The following COL1A2 variants were observed in gnomAD, a reference collection of about 807,000 sequenced individuals.
COL1A2 encodes the protein collagen alpha-2(I) chain.
In COL1A2, 49 loss-of-function variants were observed where a neutral mutation model predicts 174.3. The ratio of observed to expected loss-of-function variants is 0.28; its 90% CI spans 0.22 to 0.36. The LOEUF (loss-of-function observed/expected upper bound fraction) is 0.36. Ranked by LOEUF, COL1A2 falls within the 10% of genes least tolerant of loss-of-function variation. The probability of loss-of-function intolerance (pLI) is 1.00; values close to 1 mark genes in which losing one functional copy is unlikely to be tolerated. For synonymous variants in COL1A2, 655 were observed against 606.6 expected (o/e 1.08, Z -1.17); for missense variants, 1,438 against 1,822.7 (o/e 0.79, Z 3.84).
At chr7:94,404,497 C>A in intron 6 of COL1A2, 59 bp from the exon 7 acceptor site, 1 of 1,583,256 alleles carries the variant, frequency 6.3e-7, no homozygotes, top group South Asian at 1.1e-5. Context: ...TATCTGACCC[C>A]AGCCAACACC....
intron 38 of COL1A2, 96 bp downstream of exon 38, chr7:94,421,158 A>C (rs965534998): frequency 4.8e-6 from 6 of 1,254,960 alleles, no homozygotes; most frequent in Admixed American, 1.7e-5. Flanking sequence ...TTGGACTACC[A>C]TGAGGAAACT....
Position 94,427,459 on chromosome 7 carries a change from A to G in COL1A2, c.3267+164A>G, listed in dbSNP as rs1201497811. 6 of 1,063,126 alleles carry G rather than the reference A, an allele frequency of 5.6e-6. No individual in the cohort carries two copies. In the African/African-American group the frequency reaches 6.3e-5, roughly 11 times the overall value. 65.9% of individuals were successfully genotyped at this position (1,063,126 alleles called of 1,614,324 possible). A position where few individuals can be genotyped will look rare whatever the true frequency, so the allele number is the denominator to read the frequency against. On this transcript the variant is annotated intron_variant, in intron 48 of 51. Transcript: ENST00000297268. ...TATATGCAATGGGCTTGTTAAGTCC[A>G]TCCCTGCAAGTGTGCCTGGGGGCTC...
At chr7:94,412,443 G>C in intron 24 of COL1A2, 141 bp from the exon 25 acceptor site, 2 of 714,144 alleles carry the variant, frequency 2.8e-6, no homozygotes. Flanking sequence ...AAAGGAAAAT[G>C]GATTCATAAT....
chr7:94,398,950 T>A, intron 3 of COL1A2, 99 bp from the exon 4 acceptor site: 1 of 1,117,718 alleles, frequency 8.9e-7, no homozygotes, highest in Non-Finnish European at 1.4e-6. Context: ...TGTAGTTACA[T>A]CAGTCTTACC....
chr7:94,407,252 C>CA (rs1791822146), intron 12 of COL1A2, among the ~76,000 whole-genome samples: 3 of 152,126 alleles, frequency 2.0e-5, no homozygotes, highest in African/African-American at 7.2e-5. Flanking sequence ...ATTAAGGGTC[C>CA]TTATGAGGTC....
At position 94,416,323 on chromosome 7, in the gene COL1A2, C is replaced by G. The variant is rs910614744; in HGVS notation, c.1765-82C>G. 4.0e-6 allele frequency: 5 copies of G among 1,249,966 alleles called. No individual in the cohort carries two copies. The East Asian group carries it at 1.3e-4, about 32-fold the overall frequency. 77.4% of individuals were successfully genotyped at this position (1,249,966 alleles called of 1,614,324 possible). ...AATGCAAACCAGGGCTCGGAAGCTA[C>G]ACAAATGTAAACTCTCATATGTAAA... On this transcript the variant is annotated intron_variant, in intron 30 of 51. Transcript: ENST00000297268.
At position 94,427,020 on chromosome 7, in the gene COL1A2, G is replaced by T. The variant is rs777241404; in HGVS notation, c.3118G>T (p.Asp1040Tyr). 5 of 1,613,880 alleles carry T rather than the reference G, an allele frequency of 3.1e-6. No individual in the cohort carries two copies. Among genetic ancestry groups the T allele is most frequent in the Non-Finnish European group, 4.2e-6 (5 of 1,179,822 alleles). The change falls in exon 47 of 52, where the codon GAT becomes TAT. Residue 1040 changes from aspartate (D) to tyrosine (Y), a missense_variant. Coordinates refer to ENST00000297268, the MANE Select transcript of COL1A2 (RefSeq NM_000089.4). The part of the protein sequence containing the change: ...GLPGIAGHHG[D>Y]QGAPGSVGPA... ...TCTGTCTTTAAAGGGTCACCATGGT[G>T]ATCAAGGTGCTCCTGGCTCCGTGGG...
intron 23 of COL1A2, among the ~76,000 whole-genome samples, chr7:94,411,581 A>G (rs1412793188): frequency 6.6e-6 from 1 of 152,182 alleles, no homozygotes; most frequent in African/African-American, 2.4e-5. Context: ...CACACTAGCT[A>G]TGGAGAAATA....
Position 94,429,322 on chromosome 7 carries a change from G to C in COL1A2, c.3846G>C (p.Glu1282Asp), listed in dbSNP as rs776169321. 1.9e-6 allele frequency: 3 copies of C among 1,614,062 alleles called. No individual in the cohort carries two copies. In the East Asian group the frequency reaches 6.7e-5, roughly 36 times the overall value. Residue 1282 changes from glutamate to aspartate, a missense_variant, in exon 51 of 52, where the codon GAG becomes GAC. Physicochemically the swap from Glu to Asp is conservative, Grantham distance 45. This residue lies in a region of COL1A2 where 290 missense variants were observed against 298.1 expected (regional missense o/e 0.97). Transcript: ENST00000297268. ...ACAGCATTGCATACATGGATGAGGAGACTGGCAACCTGAAAAAGGCTGTCA... is the reference window on the plus strand; with the variant it reads ...ACAGCATTGCATACATGGATGAGGACACTGGCAACCTGAAAAAGGCTGTCA... ...CKNSIAYMDEETGNLKKAVIL... is the reference protein window; with the variant it reads ...CKNSIAYMDEDTGNLKKAVIL...
chr7:94,401,316 G>T (rs1327715620), intron 5 of COL1A2, among the ~76,000 whole-genome samples: 1 of 152,044 alleles, frequency 6.6e-6, no homozygotes, highest in Non-Finnish European at 1.5e-5. Context: ...CAGAGGAAGG[G>T]CTCAAAAAGT....
chr7:94,416,683 A>G (rs1032051741), intron 31 of COL1A2, 180 bp downstream of exon 31: 3 of 597,628 alleles, frequency 5.0e-6, no homozygotes, highest in East Asian at 2.8e-5. Context: ...AAACAAACAA[A>G]CAATAGCAAC....
Position 94,405,690 on chromosome 7 carries a change from T to G in COL1A2, c.504T>G (p.Pro168=). Residue 168 remains proline, a synonymous_variant, in exon 11 of 52, where the codon CCT becomes CCG. Coordinates refer to ENST00000297268, the MANE Select transcript of COL1A2 (RefSeq NM_000089.4). ...TTTCTAAGGGTGCTCGTGGTTTCCCTGGAACTCCTGGACTTCCTGGCTTCA... is the reference window on the plus strand; with the variant it reads ...TTTCTAAGGGTGCTCGTGGTTTCCCGGGAACTCCTGGACTTCCTGGCTTCA... ...VVGPQGARGF[P]GTPGLPGFKG... is the part of the protein sequence containing the mutation. The G allele has an allele frequency of 6.2e-7, 1 of 1,613,486 alleles. No homozygotes were observed. The highest frequency in any genetic ancestry group is 8.5e-7 in the Non-Finnish European group (1 of 1,179,392).
At position 94,424,361 on chromosome 7, in the gene COL1A2, A is replaced by C; in HGVS notation, c.2591A>C (p.Gln864Pro). 6.2e-7 allele frequency: 1 copy of C among 1,614,054 alleles called. No individual in the cohort carries two copies. The highest frequency in any genetic ancestry group is 8.5e-7 in the Non-Finnish European group (1 of 1,179,976). The change falls in exon 41 of 52, where the codon CAG (glutamine) becomes CCG (proline). Residue 864 changes from glutamine to proline, a missense_variant. Transcript: ENST00000297268. ...GGACCTCCTGGCACTCCAGGTCCTC[A>C]GGGTCTTCTTGGTGCTCCTGGTATT... is the stretch of plus-strand genomic sequence containing the variant. ...TAGPPGTPGP[Q>P]GLLGAPGILG...
intron 26 of COL1A2, 57 bp from the exon 27 acceptor site, chr7:94,413,633 C>T: frequency 2.7e-6 from 4 of 1,506,112 alleles, no homozygotes; most frequent in Non-Finnish European, 3.7e-6. Flanking sequence ...GGCTTTGAGA[C>T]ATCTTAAACT....
In COL1A2 at chr7:94,427,808, T is replaced by C; in HGVS notation, c.3449T>C (p.Leu1150Pro). ...KSLNNQIETL[L>P]TPEGSRKNPA... ...CTCAACAACCAGATTGAGACCCTTC[T>C]TACTCCTGAAGGCTCTAGAAAGAAC... The change falls in exon 49 of 52, where the codon CTT becomes CCT. Residue 1150 changes from leucine (L) to proline (P), a missense_variant. Leu to Pro is a moderately conservative substitution (Grantham distance 98). Around this residue, in one of 3 missense-constraint regions of COL1A2, gnomAD observed 290 missense variants for 298.1 expected, o/e 0.97. Coordinates refer to ENST00000297268, the MANE Select transcript of COL1A2 (RefSeq NM_000089.4). 6.2e-7 allele frequency: 1 copy of C among 1,614,070 alleles called. No homozygotes were observed. The highest frequency in any genetic ancestry group is 1.1e-5 in the South Asian group (1 of 91,072).
chr7:94,427,169 T>C lies in COL1A2; in HGVS notation c.3160-19T>C. Reference sequence around the variant, plus strand: ...TGGGATTCACCAGCTCACATGTACCTGGTGTCTGTCTTCCTTAGGGCCCTG... The same window carrying C: ...TGGGATTCACCAGCTCACATGTACCCGGTGTCTGTCTTCCTTAGGGCCCTG... On this transcript the variant is annotated intron_variant, in intron 47 of 51. Transcript: ENST00000297268. 1 of 1,613,010 alleles carries C rather than the reference T, an allele frequency of 6.2e-7. No homozygotes were observed. Among genetic ancestry groups the C allele is most frequent in the South Asian group, 1.1e-5 (1 of 91,026 alleles).
chr7:94,425,788 T>C lies in COL1A2; in HGVS notation c.2874T>C (p.Gly958=). Residue 958 remains glycine, a synonymous_variant, in exon 44 of 52, where the codon GGT becomes GGC. Coordinates refer to ENST00000297268, the MANE Select transcript of COL1A2 (RefSeq NM_000089.4). ...ACCCTGGCAATATTGGTCCCGTTGG[T>C]GCTGCAGGTGCACCTGGTCCTCATG... The part of the protein sequence containing the change: ...RGYPGNIGPV[G]AAGAPGPHGP... The C allele has an allele frequency of 2.5e-6, 4 of 1,613,312 alleles. No individual in the cohort carries two copies. Among genetic ancestry groups the C allele is most frequent in the Non-Finnish European group, 3.4e-6 (4 of 1,179,674 alleles).
rs1255992411 is a variant in COL1A2, at chr7:94,420,626, C to T, written c.2273C>T (p.Pro758Leu). 6.2e-7 allele frequency: 1 copy of T among 1,605,182 alleles called. No homozygotes were observed. The highest frequency in any genetic ancestry group is 8.5e-7 in the Non-Finnish European group (1 of 1,175,568). ...GENGVVGPTG[P>L]VGAAGPAGPN... is the part of the protein sequence containing the mutation. ...AACGGTGTTGTTGGTCCCACAGGCC[C>T]CGTTGGAGCTGCTGGCCCAGCTGTA... is the stretch of plus-strand genomic sequence containing the variant. Residue 758 changes from proline to leucine, a missense_variant, in exon 37 of 52, where the codon CCC becomes CTC. By Grantham distance (98) the Pro-to-Leu change is moderately conservative. Around this residue, in one of 3 missense-constraint regions of COL1A2, gnomAD observed 867 missense variants for 1,213.7 expected, o/e 0.71. Coordinates refer to ENST00000297268, the MANE Select transcript of COL1A2 (RefSeq NM_000089.4).
chr7:94,408,735 A>G, intron 15 of COL1A2, 35 bp from the exon 16 acceptor site: 1 of 1,611,638 alleles, frequency 6.2e-7, no homozygotes, highest in Non-Finnish European at 8.5e-7. Flanking sequence ...ATTTACTTGG[A>G]GGAAATTTCT....
Sources: gnomAD v4.1 joint callset for allele counts (sites outside exome capture counted in the v4.1 genomes callset) on GRCh38, gnomAD v4.1.1 for gene constraint, gnomAD v4.1.1 regional missense constraint, MANE v1.5 for transcripts, NCBI Gene and HGNC (gene_info 2026-07-23, HGNC 2026-07-21) for gene names.